The following LRRTM4 variants were observed in gnomAD, a reference collection of about 807,000 sequenced individuals.
LRRTM4 encodes leucine rich repeat transmembrane neuronal 4.
LRRTM4 carries 25 observed loss-of-function variants against 47.6 expected under a neutral mutation model. The ratio of observed to expected loss-of-function variants is 0.53; its 90% CI spans 0.38 to 0.73. LRRTM4 has a LOEUF of 0.73. Ranked by LOEUF, LRRTM4 falls within the 30% of genes least tolerant of loss-of-function variation. The pLI is 0.00. For synonymous variants in LRRTM4, 311 were observed against 269.5 expected, an observed-to-expected ratio of 1.15 and a Z score of -1.51; for missense variants, 638 against 713.4, an observed-to-expected ratio of 0.89 and a Z score of 1.20.
At chr2:76,844,424 C>A (rs1007068648) in intron 3 of LRRTM4, among the ~76,000 whole-genome samples, 3 of 152,142 alleles carry the variant, frequency 2.0e-5, no homozygotes, top group Non-Finnish European at 4.4e-5. Context: ...TGTGAGCCAC[C>A]GTGCCTGGCC....
chr2:77,025,038 T>C (rs990729150), intron 3 of LRRTM4, among the ~76,000 whole-genome samples: 2 of 152,334 alleles, frequency 1.3e-5, no homozygotes, highest in African/African-American at 2.4e-5. Flanking sequence ...AAAGCATTTA[T>C]ATTTTCATAC....
At chr2:76,783,582 A>G (rs1020539107) in intron 3 of LRRTM4, among the ~76,000 whole-genome samples, 28 of 152,172 alleles carry the variant, frequency 1.8e-4, no homozygotes, top group African/African-American at 6.0e-4. Context: ...TATTTAGTGT[A>G]AATTTTGAAT....
chr2:77,138,762 T>C (rs1480149163), intron 3 of LRRTM4, among the ~76,000 whole-genome samples: 2 of 151,904 alleles, frequency 1.3e-5, no homozygotes, highest in Admixed American at 1.3e-4. Context: ...AAGAATCAAA[T>C]AGACGCAATA....
chr2:77,468,616 G>T (rs1460309396), intron 3 of LRRTM4, among the ~76,000 whole-genome samples: 1 of 152,200 alleles, frequency 6.6e-6, no homozygotes, highest in Non-Finnish European at 1.5e-5. Flanking sequence ...GTGAATGCCA[G>T]CACAGGCCTT....
chr2:77,299,431 G>A (rs1021078291), intron 3 of LRRTM4, among the ~76,000 whole-genome samples: 34 of 151,518 alleles, frequency 2.2e-4, no homozygotes, highest in African/African-American at 7.5e-4. Flanking sequence ...AGATATCACA[G>A]TCTTATTTAC....
At chr2:77,438,674 G>A (rs1367283472) in intron 3 of LRRTM4, among the ~76,000 whole-genome samples, 2 of 152,004 alleles carry the variant, frequency 1.3e-5, no homozygotes, top group Non-Finnish European at 2.9e-5. Context: ...CCAAAGGGCT[G>A]GGATTACAGG....
chr2:77,392,284 GC>G (rs1373300096), intron 3 of LRRTM4, among the ~76,000 whole-genome samples: 1 of 150,828 alleles, frequency 6.6e-6, no homozygotes, highest in Admixed American at 6.6e-5. Context: ...TGGAAGCCCT[GC>G]CCCCCACCCA....
chr2:76,782,680 T>A (rs962489264), intron 3 of LRRTM4, among the ~76,000 whole-genome samples: 1 of 152,168 alleles, frequency 6.6e-6, no homozygotes, highest in African/African-American at 2.4e-5. Flanking sequence ...TTTTTCTGAT[T>A]TTTTTCTATA....
rs370703078 is a variant in LRRTM4, at chr2:77,134,254, T to G, written c.1551+384064A>C. Among the ~76,000 whole-genome samples the G allele has an allele frequency of 5.3e-5, 8 of 152,132 alleles. No homozygotes were observed. In the South Asian group the frequency reaches 1.7e-3, roughly 32 times the overall value. ...TCAAATTGGCCAGATTAAATTTACATAAAACTTAGGTCTTCTAGTGCCGTG... is the reference window on the plus strand; with the variant it reads ...TCAAATTGGCCAGATTAAATTTACAGAAAACTTAGGTCTTCTAGTGCCGTG... On this transcript the variant is annotated intron_variant, in intron 3 of 3. Coordinates refer to ENST00000409884, the MANE Select transcript of LRRTM4 (RefSeq NM_001134745.3).
At chr2:77,506,315 A>G (rs567876290) in intron 3 of LRRTM4, among the ~76,000 whole-genome samples, 28 of 151,834 alleles carry the variant, frequency 1.8e-4, no homozygotes, top group African/African-American at 5.5e-4. Flanking sequence ...GTAAAAATAA[A>G]CCTATAGAGG....
chr2:76,950,062 C>A (rs1675447429), intron 3 of LRRTM4, among the ~76,000 whole-genome samples: 1 of 151,794 alleles, frequency 6.6e-6, no homozygotes, highest in Admixed American at 6.6e-5. Context: ...ATGATTCAAA[C>A]AAAGAGAAAT....
At chr2:76,807,649 C>T (rs554016038) in intron 3 of LRRTM4, among the ~76,000 whole-genome samples, 224 of 148,650 alleles carry the variant, frequency 1.5e-3, no homozygotes, top group East Asian at 3.5e-3. Context: ...TGGAGTGCAA[C>T]GGTGCGATCT....
chr2:76,976,384 A>G (rs745948179), intron 3 of LRRTM4, among the ~76,000 whole-genome samples: 2 of 151,810 alleles, frequency 1.3e-5, no homozygotes, highest in Non-Finnish European at 2.9e-5. Flanking sequence ...ATAAACGATG[A>G]AAGCTTTATT....
intron 3 of LRRTM4, among the ~76,000 whole-genome samples, chr2:77,490,152 A>C (rs184576527): frequency 7.2e-5 from 11 of 152,198 alleles, no homozygotes; most frequent in Admixed American, 2.0e-4. Flanking sequence ...CAGGAGGCTG[A>C]GGCACAAGAA....
intron 3 of LRRTM4, among the ~76,000 whole-genome samples, chr2:77,280,560 G>A (rs1029217942): frequency 5.3e-5 from 8 of 151,982 alleles, no homozygotes; most frequent in Non-Finnish European, 1.0e-4. Flanking sequence ...CAAGGGAAGT[G>A]ATATATCACA....
intron 3 of LRRTM4, among the ~76,000 whole-genome samples, chr2:76,930,549 A>T (rs1055076663): frequency 1.3e-5 from 2 of 152,168 alleles, no homozygotes; most frequent in Admixed American, 6.5e-5. Context: ...GCTTTCTGCA[A>T]TTCTCTCTTG....
rs1430046145 is a variant in LRRTM4, at chr2:77,286,991, T to A, written c.1551+231327A>T. 1.8e-4 allele frequency among the ~76,000 whole-genome samples: 27 copies of A among 152,110 alleles called. 1 individual carries two copies. Among genetic ancestry groups the A allele is most frequent in the Non-Finnish European group, 1.5e-5 (1 of 68,018 alleles). On this transcript the variant is annotated intron_variant, in intron 3 of 3. Transcript: ENST00000409884. ...CTGGGAGAGTACAATTGCTTTTTTC[T>A]TGCTCAATACTAACTTAGCCTCTCT...
chr2:76,900,571 T>G (rs1467576698), intron 3 of LRRTM4, among the ~76,000 whole-genome samples: 2 of 152,124 alleles, frequency 1.3e-5, no homozygotes, highest in Admixed American at 6.6e-5. Flanking sequence ...AAAGATTTCT[T>G]AAATAAATAA....
chr2:76,820,068 A>C (rs1483792053), intron 3 of LRRTM4, among the ~76,000 whole-genome samples: 1 of 152,094 alleles, frequency 6.6e-6, no homozygotes, highest in South Asian at 2.1e-4. Context: ...TTCTTAAATA[A>C]ATTTAAAAAG....
Sources: gnomAD v4.1 joint callset for allele counts (sites outside exome capture counted in the v4.1 genomes callset) on GRCh38, gnomAD v4.1.1 for gene constraint, MANE v1.5 for transcripts, NCBI Gene and HGNC (gene_info 2026-07-23, HGNC 2026-07-21) for gene names.